THSD7B: variants seen among roughly 807,000 people sequenced by gnomAD.
THSD7B encodes the protein thrombospondin type-1 domain-containing protein 7B.
A neutral mutation model predicts 213.6 loss-of-function variants in THSD7B; 138 were observed. That is an observed-to-expected ratio of 0.65 (90% CI 0.56 to 0.74). The LOEUF is 0.74. Ranked by LOEUF, THSD7B falls within the 30% of genes least tolerant of loss-of-function variation. The pLI is 0.00. For missense variants in THSD7B, 1,931 were observed against 1,991.5 expected, an observed-to-expected ratio of 0.97 and a Z score of 0.58; for synonymous variants, 742 against 687.0, an observed-to-expected ratio of 1.08 and a Z score of -1.25.
At chr2:137,287,184 C>T (rs1017492076) in intron 12 of THSD7B, among the ~76,000 whole-genome samples, 1 of 151,810 alleles carries the variant, frequency 6.6e-6, no homozygotes, top group Non-Finnish European at 1.5e-5. Flanking sequence ...TTAATTAGCA[C>T]TTGATACCAA....
chr2:137,288,220 T>C lies in THSD7B; in HGVS notation c.2500+12194T>C, dbSNP rs77917781. On this transcript the variant is annotated intron_variant, in intron 12 of 27. Coordinates refer to ENST00000409968, the MANE Select transcript of THSD7B (RefSeq NM_001316349.2). ...AAAACTAACAGAGGAGAGTCAAAAC[T>C]CAGCCTCACCGCTACTTGGAATGCA... 8.7e-3 allele frequency among the ~76,000 whole-genome samples: 1,318 copies of C among 152,210 alleles called. 20 individuals are homozygous for C. Among genetic ancestry groups the C allele is most frequent in the African/African-American group, 0.03 (1,262 of 41,546 alleles).
intron 26 of THSD7B, among the ~76,000 whole-genome samples, chr2:137,664,125 T>C (rs1354376541): frequency 3.3e-5 from 5 of 152,184 alleles, no homozygotes; most frequent in African/African-American, 9.6e-5. Flanking sequence ...AGTGCTGGGA[T>C]TACAGGCATG....
At chr2:137,371,503 G>A (rs527388070) in intron 12 of THSD7B, among the ~76,000 whole-genome samples, 74 of 152,280 alleles carry the variant, frequency 4.9e-4, no homozygotes, top group African/African-American at 1.8e-3. Flanking sequence ...TTATATGGAT[G>A]TATTTTAATT....
chr2:137,099,478 C>T (rs1362147797), intron 4 of THSD7B, among the ~76,000 whole-genome samples: 5 of 152,168 alleles, frequency 3.3e-5, no homozygotes, highest in Non-Finnish European at 7.3e-5. Flanking sequence ...TCTGGAACAG[C>T]TATGATTCCA....
chr2:137,332,622 A>T (rs1684540118), intron 12 of THSD7B, among the ~76,000 whole-genome samples: 1 of 152,134 alleles, frequency 6.6e-6, no homozygotes, highest in South Asian at 2.1e-4. Context: ...GTGGAATGAT[A>T]TGTTTTGGCT....
At chr2:136,898,635 G>A (rs1463732483) in intron 2 of THSD7B, among the ~76,000 whole-genome samples, 1 of 128,664 alleles carries the variant, frequency 7.8e-6, no homozygotes, top group African/African-American at 3.0e-5. Context: ...TATAACAGTG[G>A]GGAACTGAGA....
At chr2:137,066,709 G>A (rs946138489) in intron 3 of THSD7B, among the ~76,000 whole-genome samples, 2 of 152,054 alleles carry the variant, frequency 1.3e-5, no homozygotes, top group African/African-American at 4.8e-5. Context: ...TTTTCCCTGA[G>A]CTACTGGGAT....
intron 12 of THSD7B, among the ~76,000 whole-genome samples, chr2:137,382,056 G>C (rs1685788684): frequency 1.3e-5 from 2 of 152,190 alleles, no homozygotes; most frequent in South Asian, 4.1e-4. Context: ...TGTGCTGTCT[G>C]TCATGAACTT....
intron 12 of THSD7B, among the ~76,000 whole-genome samples, chr2:137,314,762 G>T (rs376643485): frequency 6.6e-6 from 1 of 152,136 alleles, no homozygotes; most frequent in South Asian, 2.1e-4. Context: ...TGGAGTACTC[G>T]GCCTTGTGAG....
At chr2:136,844,418 T>C (rs1171453510) in intron 1 of THSD7B, among the ~76,000 whole-genome samples, 1 of 150,590 alleles carries the variant, frequency 6.6e-6, no homozygotes, top group East Asian at 2.0e-4. Flanking sequence ...TAGGGCAAGA[T>C]TTTTCAGCAA....
At chr2:136,830,503 GTGT>G (rs1039691374) in intron 1 of THSD7B, among the ~76,000 whole-genome samples, 1 of 152,152 alleles carries the variant, frequency 6.6e-6, no homozygotes, top group African/African-American at 2.4e-5. Context: ...CACAGATAGT[GTGT>G]TAAGGTGTTC....
chr2:137,301,772 A>G (rs1034077326), intron 12 of THSD7B, among the ~76,000 whole-genome samples: 2 of 152,126 alleles, frequency 1.3e-5, no homozygotes, highest in African/African-American at 4.8e-5. Flanking sequence ...AGCAAAAGAC[A>G]GTGAAGTTTG....
At chr2:137,145,427 G>A (rs72852203) in intron 5 of THSD7B, among the ~76,000 whole-genome samples, 16,106 of 151,984 alleles carry the variant, frequency 0.11, 1,088 homozygotes, top group Non-Finnish European at 0.15. Context: ...TTTCTGGATA[G>A]GTAATGCTGA....
chr2:136,972,845 G>T (rs976776105), intron 2 of THSD7B, among the ~76,000 whole-genome samples: 1 of 152,022 alleles, frequency 6.6e-6, no homozygotes, highest in African/African-American at 2.4e-5. Context: ...AACCTTTTTG[G>T]GGGTGTGGGG....
At chr2:136,927,957 G>A (rs1684568330) in intron 2 of THSD7B, among the ~76,000 whole-genome samples, 1 of 152,194 alleles carries the variant, frequency 6.6e-6, no homozygotes, top group South Asian at 2.1e-4. Flanking sequence ...AGGAGGGAGA[G>A]AAGTGGGAGA....
intron 15 of THSD7B, among the ~76,000 whole-genome samples, chr2:137,467,679 A>G (rs141558618): frequency 1.8e-4 from 27 of 152,318 alleles, no homozygotes; most frequent in African/African-American, 6.3e-4. Flanking sequence ...AAAATTAAGT[A>G]ATGTTTTAAG....
At position 137,150,305 on chromosome 2, in the gene THSD7B, CA is replaced by C. The variant is rs556986909; in HGVS notation, c.1370-9907del. Among the ~76,000 whole-genome samples the C allele has an allele frequency of 2.7e-4, 41 of 151,110 alleles. No individual in the cohort carries two copies. The East Asian group carries it at 7.4e-3, about 27-fold the overall frequency. ...TGAAGACATGAGATTTGGGAGGGGCCAGGGGCAGAATGATATGGTTTGGCTG... is the reference window on the plus strand; with the variant it reads ...TGAAGACATGAGATTTGGGAGGGGCCGGGGCAGAATGATATGGTTTGGCTG... On this transcript the variant is annotated intron_variant, in intron 5 of 27. Coordinates refer to ENST00000409968, the MANE Select transcript of THSD7B (RefSeq NM_001316349.2).
At chr2:137,368,210 C>G (rs907657622) in intron 12 of THSD7B, among the ~76,000 whole-genome samples, 2 of 151,854 alleles carry the variant, frequency 1.3e-5, no homozygotes, top group South Asian at 4.2e-4. Flanking sequence ...GAGGGATGGA[C>G]TTTGGGTATA....
At chr2:137,546,603 G>T (rs965068168) in intron 15 of THSD7B, among the ~76,000 whole-genome samples, 15 of 138,464 alleles carry the variant, frequency 1.1e-4, no homozygotes, top group African/African-American at 3.5e-4. Context: ...GGATACTGGG[G>T]TTTTTTTTGT....
Sources: allele counts gnomAD v4.1 joint callset (sites outside exome capture counted in the v4.1 genomes callset), GRCh38; gene constraint gnomAD v4.1.1; transcripts MANE v1.5; gene names NCBI Gene and HGNC (gene_info 2026-07-23, HGNC 2026-07-21).